Variants in EVI5 observed in about 807,000 individuals in gnomAD.
EVI5 encodes the protein ecotropic viral integration site 5 protein homolog.
In EVI5, 73 loss-of-function variants were observed where a neutral mutation model predicts 112.0. The observed-to-expected ratio is 0.65, with a 90% confidence interval of 0.54 to 0.79. EVI5 has a LOEUF of 0.79. Among genes scored for constraint, EVI5 ranks in the 30% least tolerant of loss-of-function variants. EVI5 has a pLI of 0.00. For synonymous variants in EVI5, 305 were observed against 319.9 expected (o/e 0.95, Z 0.50); for missense variants, 900 against 968.8 (o/e 0.93, Z 0.94).
At chr1:92,569,852 CAAAAAA>C (rs1184172805) in intron 18 of EVI5, among the ~76,000 whole-genome samples, 52 of 39,506 alleles carry the variant, frequency 1.3e-3, no homozygotes, top group Middle Eastern at 0.014. Flanking sequence ...GACTCCATCT[CAAAAAA>C]AAAAAAAAAA....
At chr1:92,690,654 A>G (rs1028241625) in intron 9 of EVI5, among the ~76,000 whole-genome samples, 22 of 152,162 alleles carry the variant, frequency 1.4e-4, no homozygotes, top group Middle Eastern at 3.4e-3. Context: ...CTGGCCCTCA[A>G]TAATAACTTT....
chr1:92,666,091 GA>G, intron 10 of EVI5, 99 bp from the exon 11 acceptor site: 1 of 731,582 alleles, frequency 1.4e-6, no homozygotes, highest in Non-Finnish European at 2.3e-6. Context: ...TTATAAATAA[GA>G]AAGGAGTCTA....
At chr1:92,563,864 AT>A (rs1252621153) in intron 18 of EVI5, 127 bp from the exon 19 acceptor site, 3 of 487,612 alleles carry the variant, frequency 6.2e-6, no homozygotes, top group African/African-American at 3.9e-5. Flanking sequence ...GAACAAATCC[AT>A]TCTCAAACTA....
intron 18 of EVI5, among the ~76,000 whole-genome samples, chr1:92,601,400 T>C (rs1048571606): frequency 1.3e-5 from 2 of 152,226 alleles, no homozygotes; most frequent in East Asian, 1.9e-4. Flanking sequence ...TGAAAAGATA[T>C]CTGCACTCCC....
chr1:92,681,184 CTTGTT>C (rs1667522135), intron 9 of EVI5, among the ~76,000 whole-genome samples: 1 of 152,212 alleles, frequency 6.6e-6, no homozygotes, highest in Middle Eastern at 3.4e-3. Flanking sequence ...ATATAATTTC[CTTGTT>C]TTGATTAACT....
intron 9 of EVI5, among the ~76,000 whole-genome samples, chr1:92,687,368 A>T (rs1377903693): frequency 6.6e-6 from 1 of 152,228 alleles, no homozygotes; most frequent in African/African-American, 2.4e-5. Context: ...TCCCTTCCTC[A>T]CACCTTATAC....
At chr1:92,762,793 A>G (rs1287369939) in intron 1 of EVI5, among the ~76,000 whole-genome samples, 4 of 152,164 alleles carry the variant, frequency 2.6e-5, no homozygotes, top group Admixed American at 2.6e-4. Flanking sequence ...ATGTAGTAAA[A>G]CCAGTATTTT....
chr1:92,547,418 C>T (rs1489038762), intron 19 of EVI5, among the ~76,000 whole-genome samples: 1 of 152,034 alleles, frequency 6.6e-6, no homozygotes, highest in East Asian at 1.9e-4. Flanking sequence ...AATTGACACC[C>T]TAACATCACA....
At chr1:92,563,849 A>G in intron 18 of EVI5, 112 bp from the exon 19 acceptor site, 1 of 528,124 alleles carries the variant, frequency 1.9e-6, no homozygotes, top group South Asian at 3.3e-5. Context: ...AATCACCTGA[A>G]TTCTGAACAA....
At chr1:92,732,798 G>T (rs1243646780) in intron 2 of EVI5, among the ~76,000 whole-genome samples, 2 of 150,466 alleles carry the variant, frequency 1.3e-5, no homozygotes, top group African/African-American at 4.9e-5. Context: ...TACTTGGGAG[G>T]CTGAGGGAGA....
intron 19 of EVI5, among the ~76,000 whole-genome samples, chr1:92,551,043 T>TTC (rs201594485): frequency 0.11 from 9,142 of 86,104 alleles, 1,208 homozygotes; most frequent in African/African-American, 0.32. Context: ...TTTCTTTCTT[T>TTC]TTTTTTTTTT....
chr1:92,543,787 A>C (rs185288507), intron 19 of EVI5, among the ~76,000 whole-genome samples: 3 of 152,376 alleles, frequency 2.0e-5, no homozygotes, highest in Admixed American at 6.5e-5. Flanking sequence ...TGTGAAAATT[A>C]CCAAAATATG....
chr1:92,745,098 A>AT (rs750800778), intron 1 of EVI5, among the ~76,000 whole-genome samples: 11,097 of 129,794 alleles, frequency 0.085, 1,169 homozygotes, highest in African/African-American at 0.24. Context: ...TGCCAGGCTA[A>AT]TTTTTTTTTT....
intron 19 of EVI5, among the ~76,000 whole-genome samples, chr1:92,559,773 CAAAAAAAAAAA>C (rs34723950): frequency 4.2e-5 from 2 of 47,502 alleles, no homozygotes; most frequent in South Asian, 1.2e-3. Flanking sequence ...GACTCCCTCT[CAAAAAAAAAAA>C]AAAAAAAAAA....
chr1:92,513,504 CTG>C lies in EVI5; in HGVS notation c.*150_*151del, dbSNP rs1360853879. The stretch of plus-strand genomic sequence containing the variant: ...GGCAAAGATAAAAAGGCAGATAAGA[CTG>C]TAAAATATATATATATATATATATA... On this transcript the variant is annotated 3_prime_UTR_variant, in exon 20 of 20. Transcript: ENST00000684568. 2 of 197,850 alleles carry C rather than the reference CTG, an allele frequency of 1.0e-5. No homozygotes were observed. Among genetic ancestry groups the C allele is most frequent in the African/African-American group, 5.4e-5 (2 of 37,056 alleles). The allele number at this position is 197,850 out of a possible 1,614,324, so 12.3% of individuals were successfully genotyped here. A position where few individuals can be genotyped will look rare whatever the true frequency, so the allele number is the denominator to read the frequency against.
chr1:92,661,331 C>G (rs1230691856), intron 13 of EVI5, among the ~76,000 whole-genome samples: 1 of 152,028 alleles, frequency 6.6e-6, no homozygotes, highest in African/African-American at 2.4e-5. Context: ...TTTATTATGG[C>G]CATTTTTGCT....
At chr1:92,674,269 C>T (rs1280189929) in intron 10 of EVI5, among the ~76,000 whole-genome samples, 1 of 152,092 alleles carries the variant, frequency 6.6e-6, no homozygotes, top group African/African-American at 2.4e-5. Flanking sequence ...AAAAATCAGA[C>T]ACCCTGGAAC....
At chr1:92,730,209 T>C (rs1007730990) in intron 2 of EVI5, among the ~76,000 whole-genome samples, 16 of 151,082 alleles carry the variant, frequency 1.1e-4, no homozygotes, top group Non-Finnish European at 1.9e-4. Flanking sequence ...TACAAAAAAG[T>C]ACAAAAGTTA....
At chr1:92,597,817 G>A (rs1047387141) in intron 18 of EVI5, among the ~76,000 whole-genome samples, 3 of 152,170 alleles carry the variant, frequency 2.0e-5, no homozygotes, top group Admixed American at 1.3e-4. Context: ...CCAGCACTTT[G>A]GGAGGCCCAG....
Sources: gnomAD v4.1 joint callset for allele counts (sites outside exome capture counted in the v4.1 genomes callset) on GRCh38, gnomAD v4.1.1 for gene constraint, MANE v1.5 for transcripts, NCBI Gene and HGNC (gene_info 2026-07-23, HGNC 2026-07-21) for gene names.